Variants in FGFR3 observed in about 807,000 individuals in gnomAD.
The protein encoded by FGFR3 is FGFR-3.
In FGFR3, 25 loss-of-function variants were observed where a neutral mutation model predicts 82.9. The observed-to-expected ratio is 0.30, with a 90% CI of 0.22 to 0.42. The LOEUF (loss-of-function observed/expected upper bound fraction) is 0.42, where lower values mean the gene tolerates loss of function less well. FGFR3 is among the 10% of genes least tolerant of loss of function. FGFR3 has a pLI of 1.00. For synonymous variants in FGFR3, 620 were observed against 516.0 expected, an observed-to-expected ratio of 1.20 and a Z score of -2.73; for missense variants, 1,026 against 1,161.0, an observed-to-expected ratio of 0.88 and a Z score of 1.69.
At chr4:1,796,883 C>T (rs1427211757) in intron 2 of FGFR3, among the ~76,000 whole-genome samples, 1 of 152,114 alleles carries the variant, frequency 6.6e-6, no homozygotes, top group Non-Finnish European at 1.5e-5. Flanking sequence ...CTTTGTGCCA[C>T]AGTGGGGGAA....
rs757715397 is a variant in FGFR3 at position 1,799,211 on chromosome 4, G to T, written c.110-43G>T. Reference sequence around the variant, plus strand: ...ACTGCTGTGTCTGTAAACGGTGCCGGGTTTGGGGGTGCCTGCCTCATGGTT... The same window carrying T: ...ACTGCTGTGTCTGTAAACGGTGCCGTGTTTGGGGGTGCCTGCCTCATGGTT... On this transcript the variant is annotated intron_variant, in intron 2 of 17. Transcript: ENST00000440486. 16 of 1,610,972 alleles carry T rather than the reference G, an allele frequency of 9.9e-6. No individual in the cohort carries two copies. The African/African-American group carries it at 2.0e-4, about 20-fold the overall frequency.
rs745863884 is a variant in FGFR3, at chr4:1,801,394, G to A, written c.473G>A (p.Arg158Gln). 6.1e-5 allele frequency: 95 copies of A among 1,556,814 alleles called. No homozygotes were observed. The highest frequency in any genetic ancestry group is 7.7e-5 in the Non-Finnish European group (89 of 1,151,620). The change falls in exon 5 of 18, where the codon CGG becomes CAG. Residue 158 changes from arginine to glutamine, a missense_variant. By Grantham distance (43) the Arg-to-Gln change is conservative. Around this residue, in one of 9 missense-constraint regions of FGFR3, gnomAD observed 147 missense variants for 228.1 expected, o/e 0.64. Coordinates refer to ENST00000440486, the MANE Select transcript of FGFR3 (RefSeq NM_000142.5). ...TGAPYWTRPE[R>Q]MDKKLLAVPA... ...GCCCCTTACTGGACACGGCCCGAGC[G>A]GATGGACAAGAAGCTGCTGGCCGTG... is the stretch of plus-strand genomic sequence containing the variant.
Position 1,807,156 on chromosome 4 carries a change from C to A in FGFR3, c.2315C>A (p.Pro772Gln), listed in dbSNP as rs756484252. 6.3e-7 allele frequency: 1 copy of A among 1,599,580 alleles called. No individual in the cohort carries two copies. Residue 772 changes from proline (P) to glutamine (Q), a missense_variant, in exon 18 of 18, where the codon CCG becomes CAG. Coordinates refer to ENST00000440486, the MANE Select transcript of FGFR3 (RefSeq NM_000142.5). ...TCGGCGCCTTTCGAGCAGTACTCCCCGGGTGGCCAGGACACCCCCAGCTCC... is the reference window on the plus strand; with the variant it reads ...TCGGCGCCTTTCGAGCAGTACTCCCAGGGTGGCCAGGACACCCCCAGCTCC... ...DLSAPFEQYS[P>Q]GGQDTPSSSS...
chr4:1,795,678 G>T (rs1720425430), intron 2 of FGFR3, among the ~76,000 whole-genome samples: 1 of 152,154 alleles, frequency 6.6e-6, no homozygotes, highest in African/African-American at 2.4e-5. Flanking sequence ...CCCAGGCCCT[G>T]CCAGGACAGC....
In FGFR3 at chr4:1,804,291, G is replaced by T. The variant is rs371898726; in HGVS notation, c.1076-39G>T. On this transcript the variant is annotated intron_variant, in intron 8 of 17. Coordinates refer to ENST00000440486, the MANE Select transcript of FGFR3 (RefSeq NM_000142.5). ...GGCATCCATGGGAGCCCCGTGGGGG[G>T]GGGGGCCAGGCCAGGCCTCAACGCC... The T allele has an allele frequency of 1.2e-3, 1,796 of 1,552,120 alleles. 1 individual carries two copies. Among genetic ancestry groups the T allele is most frequent in the Admixed American group, 2.5e-3 (137 of 53,780 alleles).
At chr4:1,805,041 G>C (rs1721709144) in intron 10 of FGFR3, 72 bp downstream of exon 10, 1 of 1,488,742 alleles carries the variant, frequency 6.7e-7, no homozygotes, top group African/African-American at 1.4e-5. Flanking sequence ...ACCAGTCAGA[G>C]GCCCGGCTGG....
chr4:1,799,151 C>G, intron 2 of FGFR3, 103 bp from the exon 3 acceptor site: 1 of 1,528,960 alleles, frequency 6.5e-7, no homozygotes, highest in Non-Finnish European at 9.0e-7. Context: ...GGATCTGGGT[C>G]AGAGCCTTCC....
chr4:1,806,246 C>T lies in FGFR3; in HGVS notation c.1960-11C>T, dbSNP rs375196946. 27 of 1,613,028 alleles carry T rather than the reference C, an allele frequency of 1.7e-5. No individual in the cohort carries two copies. The highest frequency in any genetic ancestry group is 2.1e-5 in the Non-Finnish European group (25 of 1,179,960). ...GCCTGGCGCCAACACCGCCTTCCCA[C>T]ACCCTCCCAGGGCCGGCTGCCCGTG... On this transcript the variant is annotated splice_polypyrimidine_tract_variant and intron_variant, in intron 14 of 17. Coordinates refer to ENST00000440486, the MANE Select transcript of FGFR3 (RefSeq NM_000142.5).
Position 1,807,314 on chromosome 4 carries a change from G to A in FGFR3, c.*52G>A. The A allele has an allele frequency of 6.4e-7, 1 of 1,552,150 alleles. No individual in the cohort carries two copies. Among genetic ancestry groups the A allele is most frequent in the Non-Finnish European group, 8.7e-7 (1 of 1,153,420 alleles). ...GGGGTCCCTAGCAGCCCACCCTGCT[G>A]CTGGTGCACAGCCACTCCCCGGCAT... On this transcript the variant is annotated 3_prime_UTR_variant, in exon 18 of 18. Transcript: ENST00000440486.
At position 1,805,341 on chromosome 4, in the gene FGFR3, GC is replaced by G; in HGVS notation, c.1413-12del. The G allele has an allele frequency of 6.2e-7, 1 of 1,610,632 alleles. No individual in the cohort carries two copies. Among genetic ancestry groups the G allele is most frequent in the Non-Finnish European group, 8.5e-7 (1 of 1,179,864 alleles). ...GAGTTTGCACACTCATGGTCCCTCT[GC>G]CTCCACTGCCAGGCTGACCCTGGGC... On this transcript the variant is annotated splice_polypyrimidine_tract_variant and intron_variant, in intron 10 of 17. Transcript: ENST00000440486.
intron 2 of FGFR3, among the ~76,000 whole-genome samples, chr4:1,795,401 A>C (rs904217045): frequency 2.3e-4 from 34 of 150,758 alleles, no homozygotes; most frequent in African/African-American, 6.3e-4. Flanking sequence ...GGCCTCCCCC[A>C]GTCGCTCCTG....
At chr4:1,794,908 C>G (rs1322520652) in intron 2 of FGFR3, among the ~76,000 whole-genome samples, 1 of 151,570 alleles carries the variant, frequency 6.6e-6, no homozygotes, top group Non-Finnish European at 1.5e-5. Flanking sequence ...CCACCCGGGC[C>G]GAGGCCCGAA....
intron 7 of FGFR3, chr4:1,803,191 G>T: frequency 1.7e-6 from 2 of 1,165,324 alleles, no homozygotes; most frequent in Non-Finnish European, 2.2e-6. Flanking sequence ...ACTCGGGGCC[G>T]CCTCGGCAAG....
At chr4:1,800,833 G>A (rs1721090949) in intron 4 of FGFR3, among the ~76,000 whole-genome samples, 1 of 152,222 alleles carries the variant, frequency 6.6e-6, no homozygotes, top group Non-Finnish European at 1.5e-5. Flanking sequence ...CATCGAGATG[G>A]GAGGAGGCAG....
intron 2 of FGFR3, 61 bp downstream of exon 2, chr4:1,794,104 C>G: frequency 9.5e-7 from 1 of 1,047,474 alleles, no homozygotes; most frequent in Non-Finnish European, 1.3e-6. Context: ...GCGTTGGGGA[C>G]GGGAACCGGC....
In FGFR3 at chr4:1,799,192, G is replaced by T. The variant is rs913268836; in HGVS notation, c.110-62G>T. ...CAGGGCCGCCGAGGCTTCCACTGCT[G>T]TGTCTGTAAACGGTGCCGGGTTTGG... On this transcript the variant is annotated intron_variant, in intron 2 of 17. Coordinates refer to ENST00000440486, the MANE Select transcript of FGFR3 (RefSeq NM_000142.5). 1.9e-6 allele frequency: 3 copies of T among 1,609,660 alleles called. No homozygotes were observed. The African/African-American group carries it at 4.0e-5, about 21-fold the overall frequency.
chr4:1,804,244 G>T (rs1577283935), intron 8 of FGFR3, 86 bp from the exon 9 acceptor site: 2 of 1,456,958 alleles, frequency 1.4e-6, no homozygotes, highest in South Asian at 2.7e-5. Flanking sequence ...GCTCCCAGTG[G>T]TGCCTGCGGC....
rs1056256832 is a variant in FGFR3, at chr4:1,807,384, TGTGTGTGTGTGTGTGC to T, written c.*138_*153del. 87 of 748,992 alleles carry T rather than the reference TGTGTGTGTGTGTGTGC, an allele frequency of 1.2e-4. No individual in the cohort carries two copies. The highest frequency in any genetic ancestry group is 3.5e-4 in the Middle Eastern group (1 of 2,888). 46.4% of individuals were successfully genotyped at this position (748,992 alleles called of 1,614,324 possible). A position where few individuals can be genotyped will look rare whatever the true frequency, so the allele number is the denominator to read the frequency against. ...GAGACAGCTACACAGAGCTTTGGTC[TGTGTGTGTGTGTGTGC>T]GTGTGTGTGTGTGTGTGTGCACATC... On this transcript the variant is annotated 3_prime_UTR_variant, in exon 18 of 18. Transcript: ENST00000440486.
In FGFR3 at chr4:1,801,486, C is replaced by T. The variant is rs933014054; in HGVS notation, c.565C>T (p.Leu189=). Residue 189 remains leucine (L), a synonymous_variant, in exon 5 of 18, where the codon CTG becomes TTG. Coordinates refer to ENST00000440486, the MANE Select transcript of FGFR3 (RefSeq NM_000142.5). ...CAACCCCACTCCCTCCATCTCCTGG[C>T]TGAAGAACGGCAGGGAGTTCCGCGG... ...AGNPTPSISW[L]KNGREFRGEH... The T allele has an allele frequency of 2.8e-5, 43 of 1,558,130 alleles. No individual in the cohort carries two copies. Among genetic ancestry groups the T allele is most frequent in the Non-Finnish European group, 3.5e-5 (40 of 1,151,368 alleles).
Sources: gnomAD v4.1 joint callset for allele counts (sites outside exome capture counted in the v4.1 genomes callset) on GRCh38, gnomAD v4.1.1 for gene constraint, gnomAD v4.1.1 regional missense constraint, MANE v1.5 for transcripts, NCBI Gene and HGNC (gene_info 2026-07-23, HGNC 2026-07-21) for gene names.